Variants in RPF1 observed in about 807,000 individuals in gnomAD.
The protein encoded by RPF1 is ribosome production factor 1 homolog.
In RPF1, 34 loss-of-function variants were observed where a neutral mutation model predicts 41.9. The ratio of observed to expected loss-of-function variants is 0.81; its 90% CI spans 0.62 to 1.08. RPF1 has a LOEUF of 1.08. Among genes scored for constraint, RPF1 ranks in the 50% least tolerant of loss-of-function variants. The pLI is 0.00. For missense variants in RPF1, 425 were observed against 435.2 expected (o/e 0.98, Z 0.21); for synonymous variants, 140 against 148.9 (o/e 0.94, Z 0.43).
chr1:84,494,386 A>G (rs1681891454), intron 5 of RPF1, among the ~76,000 whole-genome samples: 1 of 152,240 alleles, frequency 6.6e-6, no homozygotes, highest in Non-Finnish European at 1.5e-5. Context: ...CTGCTTTGAA[A>G]GATACATATT....
chr1:84,479,832 GC>G (rs1681610978), intron 1 of RPF1, among the ~76,000 whole-genome samples: 1 of 152,216 alleles, frequency 6.6e-6, no homozygotes, highest in Non-Finnish European at 1.5e-5. Flanking sequence ...AAAAGTCTCA[GC>G]CCTTTGGTCC....
chr1:84,479,491 G>A lies in RPF1; in HGVS notation c.210G>A (p.Trp70Ter), dbSNP rs768920556. 3 of 1,614,134 alleles carry A rather than the reference G, an allele frequency of 1.9e-6. No individual in the cohort carries two copies. Among genetic ancestry groups the A allele is most frequent in the Non-Finnish European group, 1.7e-6 (2 of 1,179,966 alleles). ...KQRRHLMFTRWKQQQRKEKLA... is the reference protein window; with the variant it reads ...KQRRHLMFTR ...GGCGACACTTAATGTTCACGCGGTGGAAACAGCAGCAGCGGAAGGTACGCG... is the reference window on the plus strand; with the variant it reads ...GGCGACACTTAATGTTCACGCGGTGAAAACAGCAGCAGCGGAAGGTACGCG... The change falls in exon 1 of 9, where the codon TGG (tryptophan) becomes TGA (stop). Residue 70 changes from tryptophan (W) to a stop codon, truncating the protein, a stop_gained. Coordinates refer to ENST00000370654, the MANE Select transcript of RPF1 (RefSeq NM_025065.7). LOFTEE classifies it high-confidence loss of function.
At chr1:84,487,822 A>T (rs1681761610) in intron 3 of RPF1, among the ~76,000 whole-genome samples, 1 of 151,948 alleles carries the variant, frequency 6.6e-6, no homozygotes, top group African/African-American at 2.4e-5. Flanking sequence ...GCATATATAT[A>T]TTTTGAATTA....
chr1:84,495,489 T>A (rs369865138), intron 6 of RPF1, 34 bp downstream of exon 6: 244 of 881,816 alleles, frequency 2.8e-4, no homozygotes, highest in Middle Eastern at 3.3e-4. Context: ...TTGGCATTGA[T>A]CTCTTCACAA....
At chr1:84,494,933 G>A (rs1306046860) in intron 5 of RPF1, among the ~76,000 whole-genome samples, 1 of 152,134 alleles carries the variant, frequency 6.6e-6, no homozygotes, top group Non-Finnish European at 1.5e-5. Context: ...ACAGCATATC[G>A]TGACCATACA....
chr1:84,496,791 G>A (rs1681945595), intron 8 of RPF1, among the ~76,000 whole-genome samples: 1 of 152,162 alleles, frequency 6.6e-6, no homozygotes, highest in Non-Finnish European at 1.5e-5. Context: ...TCTACTACAT[G>A]TTTCTTGAGA....
intron 5 of RPF1, among the ~76,000 whole-genome samples, chr1:84,492,294 A>T (rs765004969): frequency 6.6e-6 from 1 of 152,222 alleles, no homozygotes; most frequent in African/African-American, 2.4e-5. Flanking sequence ...TTCTAGGAAC[A>T]TGGCGTCTTT....
intron 5 of RPF1, among the ~76,000 whole-genome samples, chr1:84,493,750 A>C (rs1681880295): frequency 6.6e-6 from 1 of 152,240 alleles, no homozygotes; most frequent in South Asian, 2.1e-4. Context: ...GTGACATTTG[A>C]AGTAGACCAT....
At chr1:84,494,715 T>A (rs551895128) in intron 5 of RPF1, among the ~76,000 whole-genome samples, 12 of 152,222 alleles carry the variant, frequency 7.9e-5, no homozygotes, top group Non-Finnish European at 1.6e-4. Flanking sequence ...GTAGGTGATC[T>A]CACATTTCAT....
chr1:84,495,626 C>T (rs568611874), intron 6 of RPF1, among the ~76,000 whole-genome samples, 171 bp downstream of exon 6: 3 of 152,148 alleles, frequency 2.0e-5, no homozygotes, highest in African/African-American at 4.8e-5. Context: ...AAGTTACAGC[C>T]GGCAGGCAAT....
intron 4 of RPF1, 58 bp from the exon 5 acceptor site, chr1:84,490,261 A>G (rs748657382): frequency 1.5e-4 from 172 of 1,181,634 alleles, no homozygotes; most frequent in Non-Finnish European, 1.8e-4. Context: ...TATGTACCAC[A>G]TAAGATTTTT....
In RPF1 at chr1:84,479,526, G is replaced by A; in HGVS notation, c.228+17G>A. 1 of 1,611,240 alleles carries A rather than the reference G, an allele frequency of 6.2e-7. No homozygotes were observed. Among genetic ancestry groups the A allele is most frequent in the Non-Finnish European group, 8.5e-7 (1 of 1,177,838 alleles). On this transcript the variant is annotated intron_variant, in intron 1 of 8. Transcript: ENST00000370654. ...CAGCGGAAGGTACGCGAGAGGCGGG[G>A]GCTGCCGGGCGCTTGCGCGTTGTTC...
At chr1:84,481,070 A>G (rs942262663) in intron 2 of RPF1, 58 bp downstream of exon 2, 1 of 892,814 alleles carries the variant, frequency 1.1e-6, no homozygotes, top group Admixed American at 2.3e-5. Flanking sequence ...CCCTCCTGAT[A>G]TTTAAGTTGA....
At chr1:84,484,884 G>T (rs956806818) in intron 3 of RPF1, among the ~76,000 whole-genome samples, 7 of 152,010 alleles carry the variant, frequency 4.6e-5, no homozygotes, top group Non-Finnish European at 1.0e-4. Flanking sequence ...ATGTTGGCCA[G>T]GTTGGTCTCA....
intron 5 of RPF1, 65 bp downstream of exon 5, chr1:84,490,537 A>G: frequency 1.7e-6 from 2 of 1,155,726 alleles, no homozygotes; most frequent in Non-Finnish European, 2.4e-6. Context: ...AAATATATTT[A>G]AAAGAATAAG....
Position 84,496,053 on chromosome 1 carries a change from A to G in RPF1, c.871A>G (p.Arg291Gly). The G allele has an allele frequency of 6.2e-7, 1 of 1,605,186 alleles. No individual in the cohort carries two copies. The highest frequency in any genetic ancestry group is 8.5e-7 in the Non-Finnish European group (1 of 1,175,330). Reference protein sequence around the residue: ...FHNQRDYIFFRFHRYIFRSEK... With the variant: ...FHNQRDYIFFGFHRYIFRSEK... ...CAATCAACGGGATTACATATTCTTC[A>G]GATTTCACAGGTGAGGAAGGTAAAC... is the stretch of plus-strand genomic sequence containing the variant. The change falls in exon 7 of 9, where the codon AGA (arginine) becomes GGA (glycine). Residue 291 changes from arginine (R) to glycine (G), a missense_variant. Transcript: ENST00000370654.
intron 6 of RPF1, among the ~76,000 whole-genome samples, 153 bp downstream of exon 6, chr1:84,495,608 C>T (rs372955598): frequency 6.6e-6 from 1 of 152,164 alleles, no homozygotes; most frequent in Non-Finnish European, 1.5e-5. Flanking sequence ...TCTTGGGAGA[C>T]TGTGGTTAAG....
chr1:84,490,267 T>C, intron 4 of RPF1, 52 bp from the exon 5 acceptor site: 1 of 1,270,074 alleles, frequency 7.9e-7, no homozygotes, highest in South Asian at 1.7e-5. Flanking sequence ...CCACATAAGA[T>C]TTTTATTCTT....
chr1:84,496,507 C>T, intron 8 of RPF1, 137 bp downstream of exon 8: 3 of 623,680 alleles, frequency 4.8e-6, no homozygotes, highest in Non-Finnish European at 7.9e-6. Context: ...TGCAGCAAAC[C>T]ACTATAGCAC....
Sources: allele counts gnomAD v4.1 joint callset (sites outside exome capture counted in the v4.1 genomes callset), GRCh38; gene constraint gnomAD v4.1.1; transcripts MANE v1.5; gene names NCBI Gene and HGNC (gene_info 2026-07-23, HGNC 2026-07-21).